Variants in CORO2A observed in about 807,000 individuals in gnomAD.
CORO2A encodes the protein coronin 2A.
A neutral mutation model predicts 62.4 loss-of-function variants in CORO2A; 47 were observed. That is an observed-to-expected ratio of 0.75 (90% CI 0.60 to 0.96). CORO2A has a LOEUF of 0.96. CORO2A is among the 40% of genes least tolerant of loss of function. The probability of loss-of-function intolerance (pLI) is 0.00; values close to 1 mark genes in which losing one functional copy is unlikely to be tolerated. For synonymous variants in CORO2A, 273 were observed against 268.9 expected (o/e 1.02, Z -0.15); for missense variants, 610 against 684.1 (o/e 0.89, Z 1.21).
At chr9:98,138,383 C>T (rs1218103785) in intron 2 of CORO2A, among the ~76,000 whole-genome samples, 1 of 151,196 alleles carries the variant, frequency 6.6e-6, no homozygotes, top group East Asian at 1.9e-4. Context: ...TGCACTCCAG[C>T]CTGGGTGACA....
Position 98,157,669 on chromosome 9 carries a change from G to C in CORO2A, c.1-9C>G. On this transcript the variant is annotated splice_polypyrimidine_tract_variant and intron_variant, in intron 1 of 11. Coordinates refer to ENST00000375077, the MANE Select transcript of CORO2A (RefSeq NM_052820.4). ...TGGGGGTGCCATGACATCTGCAGGA[G>C]ACAAATGGGACAAAGGGTATGAGGC... is the stretch of plus-strand genomic sequence containing the variant. The C allele has an allele frequency of 6.2e-7, 1 of 1,607,950 alleles. No individual in the cohort carries two copies. Among genetic ancestry groups the C allele is most frequent in the Non-Finnish European group, 8.5e-7 (1 of 1,176,564 alleles).
chr9:98,133,355 G>T, intron 4 of CORO2A, 138 bp from the exon 5 acceptor site: 1 of 773,978 alleles, frequency 1.3e-6, no homozygotes, highest in Non-Finnish European at 2.1e-6. Context: ...AGAAGCCTCA[G>T]TGGGAGGATG....
intron 2 of CORO2A, among the ~76,000 whole-genome samples, chr9:98,153,406 CT>C (rs748913791): frequency 0.052 from 6,723 of 129,190 alleles, 171 homozygotes; most frequent in Middle Eastern, 0.075. Context: ...CGGCTGATAA[CT>C]TTTTTTTTTT....
chr9:98,142,526 G>A (rs925196449), intron 2 of CORO2A, among the ~76,000 whole-genome samples: 1 of 152,236 alleles, frequency 6.6e-6, no homozygotes, highest in Non-Finnish European at 1.5e-5. Context: ...TGCTCTCCGG[G>A]CCTTTAGACT....
In CORO2A at chr9:98,154,327, GTGTATATATATATATATA is replaced by G. The variant is rs1692853462; in HGVS notation, c.201+3115_201+3132del. ...CCTAGAGTCTTTCTTATGTGTTTGTGTGTATATATATATATATATATATATACACAAATACATATATAT... is the reference window on the plus strand; with the variant it reads ...CCTAGAGTCTTTCTTATGTGTTTGTGTATATATACACAAATACATATATAT... On this transcript the variant is annotated intron_variant, in intron 2 of 11. Coordinates refer to ENST00000375077, the MANE Select transcript of CORO2A (RefSeq NM_052820.4). Among the ~76,000 whole-genome samples, 3 of 93,270 alleles carry G rather than the reference GTGTATATATATATATATA, an allele frequency of 3.2e-5. No homozygotes were observed. The South Asian group carries it at 1.1e-3, about 34-fold the overall frequency. 61.2% of individuals were successfully genotyped at this position (93,270 alleles called of 152,430 possible). A position where few individuals can be genotyped will look rare whatever the true frequency, so the allele number is the denominator to read the frequency against.
intron 1 of CORO2A, among the ~76,000 whole-genome samples, chr9:98,170,487 G>T (rs914602413): frequency 6.6e-6 from 1 of 152,182 alleles, no homozygotes; most frequent in African/African-American, 2.4e-5. Flanking sequence ...TGTCACCCAG[G>T]CTGGAGTGCA....
intron 10 of CORO2A, among the ~76,000 whole-genome samples, chr9:98,127,911 C>T (rs1429319814): frequency 1.3e-5 from 2 of 150,120 alleles, no homozygotes; most frequent in African/African-American, 2.5e-5. Context: ...AGGCACCCCA[C>T]ATAGCCCCAG....
At chr9:98,139,217 A>C (rs1321636323) in intron 2 of CORO2A, among the ~76,000 whole-genome samples, 2 of 152,090 alleles carry the variant, frequency 1.3e-5, no homozygotes, top group Non-Finnish European at 2.9e-5. Context: ...TGGTGGTGAC[A>C]GTTTATTCAC....
At chr9:98,128,750 C>G in intron 8 of CORO2A, 31 bp from the exon 9 acceptor site, 1 of 1,589,134 alleles carries the variant, frequency 6.3e-7, no homozygotes, top group African/African-American at 1.3e-5. Flanking sequence ...CCAAGAGGTT[C>G]TGGCTAGGCT....
intron 2 of CORO2A, among the ~76,000 whole-genome samples, chr9:98,149,254 G>A (rs1450960677): frequency 6.6e-6 from 1 of 152,162 alleles, no homozygotes; most frequent in Non-Finnish European, 1.5e-5. Context: ...TTATCTGAAA[G>A]TCAAATTAAA....
At chr9:98,131,953 G>A (rs149995996) in intron 6 of CORO2A, among the ~76,000 whole-genome samples, 1,797 of 152,138 alleles carry the variant, frequency 0.012, 35 homozygotes, top group African/African-American at 0.041. Flanking sequence ...TCTAGCCAAC[G>A]GACTCCCCTG....
At position 98,130,816 on chromosome 9, in the gene CORO2A, G is replaced by A. The variant is rs1032638333; in HGVS notation, c.870+139C>T. On this transcript the variant is annotated intron_variant, in intron 7 of 11. Coordinates refer to ENST00000375077, the MANE Select transcript of CORO2A (RefSeq NM_052820.4). Reference sequence around the variant, plus strand: ...GGTGTTCCTAGGGAGCCAGGAGGGTGGGAGGGGTTCCTTCTCACAGGGAAA... The same window carrying A: ...GGTGTTCCTAGGGAGCCAGGAGGGTAGGAGGGGTTCCTTCTCACAGGGAAA... The A allele has an allele frequency of 1.2e-5, 8 of 662,282 alleles. No individual in the cohort carries two copies. The African/African-American group carries it at 1.5e-4, about 12-fold the overall frequency. The allele number at this position is 662,282 out of a possible 1,614,324, so 41.0% of individuals were successfully genotyped here. A position where few individuals can be genotyped will look rare whatever the true frequency, so the allele number is the denominator to read the frequency against.
chr9:98,174,338 G>A (rs1218131336), intron 1 of CORO2A, among the ~76,000 whole-genome samples: 1 of 152,204 alleles, frequency 6.6e-6, no homozygotes, highest in Non-Finnish European at 1.5e-5. Flanking sequence ...GTGCCTCAGA[G>A]CAGTGCTTGG....
chr9:98,170,443 ATTG>A (rs1339872066), intron 1 of CORO2A, among the ~76,000 whole-genome samples: 1 of 152,030 alleles, frequency 6.6e-6, no homozygotes, highest in Non-Finnish European at 1.5e-5. Context: ...TAATTCTTTT[ATTG>A]TTGTTGTTTT....
chr9:98,169,330 G>A (rs900592135), intron 1 of CORO2A, among the ~76,000 whole-genome samples: 2 of 152,048 alleles, frequency 1.3e-5, no homozygotes, highest in Non-Finnish European at 2.9e-5. Context: ...TAGGCCTGAG[G>A]GAGTGCCTCC....
intron 10 of CORO2A, chr9:98,127,035 G>T: frequency 1.6e-6 from 1 of 609,090 alleles, no homozygotes; most frequent in Non-Finnish European, 2.9e-6. Flanking sequence ...TCAGAGTGAA[G>T]CTTGGTTTGT....
chr9:98,168,159 G>A (rs1374337633), intron 1 of CORO2A, among the ~76,000 whole-genome samples: 3 of 152,182 alleles, frequency 2.0e-5, no homozygotes, highest in Admixed American at 1.3e-4. Context: ...AGTCACACTA[G>A]CAACATTTCA....
intron 1 of CORO2A, among the ~76,000 whole-genome samples, chr9:98,172,017 T>C (rs573301495): frequency 2.2e-5 from 3 of 135,782 alleles, no homozygotes; most frequent in South Asian, 4.9e-4. Context: ...TGGGTTTCAT[T>C]TCATGTCCAG....
At chr9:98,140,467 G>T (rs1320838284) in intron 2 of CORO2A, among the ~76,000 whole-genome samples, 4 of 151,188 alleles carry the variant, frequency 2.6e-5, no homozygotes, top group Non-Finnish European at 4.4e-5. Context: ...AAGAGACAGG[G>T]TCTCACTCTG....
Sources: allele counts gnomAD v4.1 joint callset (sites outside exome capture counted in the v4.1 genomes callset), GRCh38; gene constraint gnomAD v4.1.1; transcripts MANE v1.5; gene names NCBI Gene and HGNC (gene_info 2026-07-23, HGNC 2026-07-21).